Variants in AFAP1 observed in about 807,000 individuals in gnomAD.
The protein encoded by AFAP1 is actin filament associated protein 1.
AFAP1 carries 75 observed loss-of-function variants against 93.9 expected under a neutral mutation model. The observed-to-expected ratio is 0.80, with a 90% CI of 0.66 to 0.97. The LOEUF (loss-of-function observed/expected upper bound fraction) is 0.97, where lower values mean the gene tolerates loss of function less well. Ranked by LOEUF, AFAP1 falls within the 50% of genes least tolerant of loss-of-function variation. AFAP1 has a pLI of 0.00. For missense variants in AFAP1, 1,201 were observed against 1,050.8 expected, an observed-to-expected ratio of 1.14 and a Z score of -1.98; for synonymous variants, 517 against 430.7, an observed-to-expected ratio of 1.20 and a Z score of -2.48.
chr4:7,867,223 G>A (rs971383231), intron 3 of AFAP1, among the ~76,000 whole-genome samples: 2 of 152,132 alleles, frequency 1.3e-5, no homozygotes, highest in African/African-American at 4.8e-5. Context: ...CAGATGGCCG[G>A]GTGGTTGGCT....
At chr4:7,851,573 C>T (rs190850231) in intron 4 of AFAP1, among the ~76,000 whole-genome samples, 22 of 152,308 alleles carry the variant, frequency 1.4e-4, no homozygotes, top group African/African-American at 5.3e-4. Context: ...GTAAATACCA[C>T]GACCCACTGT....
chr4:7,914,591 G>A (rs140044167), intron 1 of AFAP1, among the ~76,000 whole-genome samples: 6 of 152,238 alleles, frequency 3.9e-5, no homozygotes, highest in African/African-American at 7.2e-5. Context: ...GGTGAACAGC[G>A]CTGCAGGTAA....
Position 7,865,597 on chromosome 4 carries a change from G to C in AFAP1, c.225+3025C>G, listed in dbSNP as rs539712811. On this transcript the variant is annotated intron_variant, in intron 3 of 17. Coordinates refer to ENST00000420658, the MANE Select transcript of AFAP1 (RefSeq NM_001134647.2). Reference sequence around the variant, plus strand: ...AAAGCAAGAGACAAGGAGAGAGGACGAGAGAGGGAGAAAGAGGATGAATAA... The same window carrying C: ...AAAGCAAGAGACAAGGAGAGAGGACCAGAGAGGGAGAAAGAGGATGAATAA... Among the ~76,000 whole-genome samples the C allele has an allele frequency of 7.9e-5, 12 of 152,302 alleles. No individual in the cohort carries two copies. In the South Asian group the frequency reaches 2.1e-3, roughly 26 times the overall value.
chr4:7,787,102 T>C (rs750031846), intron 11 of AFAP1, among the ~76,000 whole-genome samples: 10 of 152,230 alleles, frequency 6.6e-5, no homozygotes, highest in Non-Finnish European at 1.3e-4. Flanking sequence ...ACTCTTGGAA[T>C]TTCATACATG....
In AFAP1 at chr4:7,793,450, T is replaced by C. The variant is rs112084403; in HGVS notation, c.1412+231A>G. On this transcript the variant is annotated intron_variant, in intron 11 of 17. Coordinates refer to ENST00000420658, the MANE Select transcript of AFAP1 (RefSeq NM_001134647.2). The stretch of plus-strand genomic sequence containing the variant: ...CGTGTGGCCCACAAAACCAAAAATA[T>C]TTACTATCTAAGTCCTTCATGCAAG... 3.9e-3 allele frequency among the ~76,000 whole-genome samples: 591 copies of C among 152,322 alleles called. 4 individuals are homozygous for C. The highest frequency in any genetic ancestry group is 0.014 in the African/African-American group (562 of 41,580).
At chr4:7,915,429 G>A (rs1720035441) in intron 1 of AFAP1, among the ~76,000 whole-genome samples, 1 of 151,778 alleles carries the variant, frequency 6.6e-6, no homozygotes, top group South Asian at 2.1e-4. Context: ...TGAGAAAGCA[G>A]GACTGCTTGA....
chr4:7,824,955 G>T (rs1412481939), intron 6 of AFAP1, among the ~76,000 whole-genome samples: 1 of 152,288 alleles, frequency 6.6e-6, no homozygotes, highest in South Asian at 2.1e-4. Context: ...AAGACTGAAA[G>T]TCTGGTTCAT....
At chr4:7,870,280 T>G (rs887771321) in intron 2 of AFAP1, among the ~76,000 whole-genome samples, 1 of 152,220 alleles carries the variant, frequency 6.6e-6, no homozygotes, top group Admixed American at 6.5e-5. Flanking sequence ...CCTTGTGGGA[T>G]GGCCGAAGGA....
intron 6 of AFAP1, among the ~76,000 whole-genome samples, chr4:7,836,387 T>C (rs144968976): frequency 2.0e-4 from 30 of 152,272 alleles, no homozygotes; most frequent in African/African-American, 7.0e-4. Context: ...AGAAAGCAGG[T>C]AAGTGGCTGC....
At chr4:7,897,437 C>T (rs1718849035) in intron 1 of AFAP1, among the ~76,000 whole-genome samples, 1 of 152,162 alleles carries the variant, frequency 6.6e-6, no homozygotes, top group Non-Finnish European at 1.5e-5. Flanking sequence ...TCACAGAATC[C>T]GCTAATCCTA....
chr4:7,811,124 G>A (rs1370603632), intron 8 of AFAP1, among the ~76,000 whole-genome samples: 1 of 152,210 alleles, frequency 6.6e-6, no homozygotes, highest in African/African-American at 2.4e-5. Flanking sequence ...GGAGGCCGGC[G>A]AGGCGCTCGG....
Position 7,759,988 on chromosome 4 carries a change from C to T in AFAP1, c.*3777G>A, listed in dbSNP as rs1713549822. On this transcript the variant is annotated 3_prime_UTR_variant, in exon 18 of 18. Coordinates refer to ENST00000420658, the MANE Select transcript of AFAP1 (RefSeq NM_001134647.2). ...AAGTCTGTGGGCAAAATTTACATCC[C>T]CCCAAATAGTGGGTGAGTAGAATTA... 6.6e-6 allele frequency: 1 copy of T among 151,724 alleles called. No homozygotes were observed. Among genetic ancestry groups the T allele is most frequent in the Admixed American group, 6.5e-5 (1 of 15,290 alleles). 9.4% of individuals were successfully genotyped at this position (151,724 alleles called of 1,614,324 possible). A position where few individuals can be genotyped will look rare whatever the true frequency, so the allele number is the denominator to read the frequency against.
chr4:7,871,830 G>A (rs1717077173), intron 2 of AFAP1, 122 bp downstream of exon 2: 2 of 1,348,664 alleles, frequency 1.5e-6, no homozygotes, highest in Admixed American at 2.3e-5. Context: ...AAAACTTGAT[G>A]AATAAATAAG....
At chr4:7,875,712 AAATG>A (rs1213190793) in intron 1 of AFAP1, among the ~76,000 whole-genome samples, 1 of 152,222 alleles carries the variant, frequency 6.6e-6, no homozygotes, top group East Asian at 1.9e-4. Flanking sequence ...ATGAATGGAT[AAATG>A]AAATGTGGTA....
chr4:7,850,015 A>C (rs987368582), intron 4 of AFAP1, among the ~76,000 whole-genome samples: 12 of 152,178 alleles, frequency 7.9e-5, no homozygotes, highest in Non-Finnish European at 1.0e-4. Flanking sequence ...CGAGGAGAGA[A>C]GCCCTCAGAC....
intron 1 of AFAP1, among the ~76,000 whole-genome samples, chr4:7,904,197 T>C (rs188168641): frequency 3.2e-4 from 48 of 152,164 alleles, no homozygotes; most frequent in Middle Eastern, 3.4e-3. Flanking sequence ...CGAATGACAA[T>C]TGGCCAAACC....
intron 1 of AFAP1, among the ~76,000 whole-genome samples, chr4:7,916,537 C>T (rs775757465): frequency 7.2e-5 from 11 of 152,160 alleles, no homozygotes; most frequent in Non-Finnish European, 1.6e-4. Context: ...GCGAAACCAG[C>T]ATCAAGTCCA....
Position 7,800,430 on chromosome 4 carries a change from G to T in AFAP1, c.1266+12C>A. On this transcript the variant is annotated intron_variant, in intron 10 of 17. Transcript: ENST00000420658. ...TCCCTCTGTGGAGTACAGCCCCTGG[G>T]AAATATCCTACCTCCAATACTGCAA... 6.2e-7 allele frequency: 1 copy of T among 1,613,662 alleles called. No individual in the cohort carries two copies. Among genetic ancestry groups the T allele is most frequent in the Non-Finnish European group, 8.5e-7 (1 of 1,179,804 alleles).
intron 1 of AFAP1, among the ~76,000 whole-genome samples, chr4:7,902,971 CTTG>C (rs1199580353): frequency 6.6e-6 from 1 of 152,214 alleles, no homozygotes; most frequent in East Asian, 1.9e-4. Flanking sequence ...AAGAGGTTAT[CTTG>C]TATCATTTCT....
Sources: allele counts gnomAD v4.1 joint callset (sites outside exome capture counted in the v4.1 genomes callset), GRCh38; gene constraint gnomAD v4.1.1; transcripts MANE v1.5; gene names NCBI Gene and HGNC (gene_info 2026-07-23, HGNC 2026-07-21).